ABL1: variants seen among roughly 807,000 people sequenced by gnomAD.
ABL1 encodes the protein ABL proto-oncogene 1, non-receptor tyrosine kinase, also known as tyrosine-protein kinase ABL1.
In ABL1, 11 loss-of-function variants were observed where a neutral mutation model predicts 94.7. The observed-to-expected ratio is 0.12, with a 90% CI of 0.07 to 0.19. ABL1 has a LOEUF of 0.19. ABL1 is among the 10% of genes least tolerant of loss of function. The pLI is 1.00. For missense variants in ABL1, 1,082 were observed against 1,489.4 expected (o/e 0.73, Z 4.50); for synonymous variants, 656 against 622.4 (o/e 1.05, Z -0.80).
chr9:130,753,470 G>A (rs1831995850), intron 1 of ABL1, among the ~76,000 whole-genome samples: 1 of 134,212 alleles, frequency 7.5e-6, no homozygotes, highest in South Asian at 2.4e-4. Context: ...CTGTTGCTCA[G>A]GCTGGAGTGC....
At chr9:130,792,749 A>G (rs76197066) in intron 1 of ABL1, among the ~76,000 whole-genome samples, 1 of 152,270 alleles carries the variant, frequency 6.6e-6, no homozygotes. Flanking sequence ...TGTTGTCCCT[A>G]CTGTAGAGCT....
intron 1 of ABL1, among the ~76,000 whole-genome samples, chr9:130,826,089 T>C (rs539074126): frequency 6.0e-4 from 91 of 152,214 alleles, no homozygotes; most frequent in Non-Finnish European, 1.1e-3. Context: ...ATAACCTATC[T>C]GTGTCACAGT....
exon 1 of ABL1, chr9:130,713,811 A>G (rs1196820122): frequency 1.4e-5 from 3 of 215,722 alleles, no homozygotes; most frequent in Admixed American, 5.8e-5. Flanking sequence ...CCGGAGAGCA[A>G]AGCAGAGAAG....
At chr9:130,877,541 A>G (rs1237632168) in intron 7 of ABL1, among the ~76,000 whole-genome samples, 2 of 147,398 alleles carry the variant, frequency 1.4e-5, no homozygotes, top group Admixed American at 6.7e-5. Context: ...AGATGGTCAC[A>G]TTACCTAAAA....
chr9:130,736,568 C>G (rs1056166843), intron 1 of ABL1, among the ~76,000 whole-genome samples: 28 of 151,340 alleles, frequency 1.9e-4, no homozygotes, highest in African/African-American at 6.1e-4. Context: ...TCGGCCCCAC[C>G]GCAACCTCCG....
In ABL1 at chr9:130,854,834, A is replaced by G. The variant is rs587778016; in HGVS notation, c.287A>G (p.Asn96Ser). 101 of 1,614,052 alleles carry G rather than the reference A, an allele frequency of 6.3e-5. No homozygotes were observed. In the East Asian group the frequency reaches 1.7e-3, roughly 27 times the overall value. The change falls in exon 3 of 11, where the codon AAT (asparagine) becomes AGT (serine). Residue 96 changes from asparagine (N) to serine (S), a missense_variant. This residue lies in a region of ABL1 where 47 missense variants were observed against 142.2 expected (regional missense o/e 0.33). Transcript: ENST00000318560. ...CTCCGGGTCTTAGGCTATAATCACA[A>G]TGGGGAATGGTGTGAAGCCCAAACC... ...EKLRVLGYNHNGEWCEAQTKN... is the reference protein window; with the variant it reads ...EKLRVLGYNHSGEWCEAQTKN...
intron 1 of ABL1, among the ~76,000 whole-genome samples, chr9:130,777,403 T>TAG: frequency 6.6e-6 from 1 of 152,088 alleles, no homozygotes; most frequent in South Asian, 2.1e-4. Flanking sequence ...CACACTGCAT[T>TAG]AGTACCTTCT....
rs1364506152 is a variant in ABL1, at chr9:130,793,333, A to G, written c.137-60731A>G. ...CTTTAAAAGTTTTTTCCATAGATCT[A>G]TTTGCCCATCACCTCTCCAACTCCT... On this transcript the variant is annotated intron_variant, in intron 1 of 10. Coordinates refer to the ABL1 transcript ENST00000372348. Among the ~76,000 whole-genome samples the G allele has an allele frequency of 4.6e-5, 7 of 152,096 alleles. No homozygotes were observed. In the East Asian group the frequency reaches 1.3e-3, roughly 29 times the overall value.
At chr9:130,833,913 A>G (rs1830524292), upstream of ABL1, 1 of 427,206 alleles carries the variant, frequency 2.3e-6, no homozygotes, top group Admixed American at 2.4e-5. Context: ...TCTCTGAAAC[A>G]TATAATGACA....
In ABL1 at chr9:130,887,071, C is replaced by T. The variant is rs896154969; in HGVS notation, c.*1388C>T. 3 of 232,928 alleles carry T rather than the reference C, an allele frequency of 1.3e-5. No individual in the cohort carries two copies. The highest frequency in any genetic ancestry group is 2.5e-5 in the Non-Finnish European group (3 of 117,920). 14.4% of individuals were successfully genotyped at this position (232,928 alleles called of 1,614,324 possible). A position where few individuals can be genotyped will look rare whatever the true frequency, so the allele number is the denominator to read the frequency against. On this transcript the variant is annotated 3_prime_UTR_variant, in exon 11 of 11. Coordinates refer to ENST00000318560, the MANE Select transcript of ABL1 (RefSeq NM_005157.6). ...GGGGGCTGTGACTCTGGGCAGGGAC[C>T]CGGGGTCTCCTGGACCTTGACAGAG... is the stretch of plus-strand genomic sequence containing the variant.
chr9:130,722,117 G>T (rs2132676479), intron 1 of ABL1, among the ~76,000 whole-genome samples: 1 of 152,012 alleles, frequency 6.6e-6, no homozygotes, highest in Admixed American at 6.5e-5. Flanking sequence ...GACAGGCTGG[G>T]CGTGGTGGCT....
rs116438621 is a variant in ABL1 at position 130,719,240 on chromosome 9, A to G, written c.136+4785A>G. On this transcript the variant is annotated intron_variant, in intron 1 of 10. Coordinates refer to the ABL1 transcript ENST00000372348. The stretch of plus-strand genomic sequence containing the variant: ...TAATACGAAAAATTCGAAGATTTAA[A>G]AACTGAGGCCAGGCACGGTGGCTCA... Among the ~76,000 whole-genome samples, 1,272 of 152,272 alleles carry G rather than the reference A, an allele frequency of 8.4e-3. 25 individuals are homozygous for G. The highest frequency in any genetic ancestry group is 0.03 in the African/African-American group (1,239 of 41,564).
At position 130,884,663 on chromosome 9, in the gene ABL1, G is replaced by A. The variant is rs373054503; in HGVS notation, c.2373G>A (p.Glu791=). 3.2e-5 allele frequency: 51 copies of A among 1,613,034 alleles called. No homozygotes were observed. The highest frequency in any genetic ancestry group is 4.1e-5 in the Non-Finnish European group (48 of 1,180,008). The change falls in exon 11 of 11, where the codon GAG becomes GAA. Residue 791 remains glutamate, a synonymous_variant. Coordinates refer to ENST00000318560, the MANE Select transcript of ABL1 (RefSeq NM_005157.6). The surrounding 1 kb of genome is among the most constrained non-coding windows in gnomAD (Gnocchi z 5.6). The part of the protein sequence containing the change: ...TPPPRLVKKN[E]EAADEVFKDI... ...CCCCCAGGCTGGTGAAAAAGAATGA[G>A]GAAGCTGCTGATGAGGTCTTCAAAG...
Position 130,885,937 on chromosome 9 carries a change from G to T in ABL1, c.*254G>T. ...TTTATCTGTGGAGTTCCTGCTCCGT[G>T]GACTGCAGTCGGCATGCCAGGACCC... On this transcript the variant is annotated 3_prime_UTR_variant, in exon 11 of 11. Coordinates refer to ENST00000318560, the MANE Select transcript of ABL1 (RefSeq NM_005157.6). The T allele has an allele frequency of 2.0e-6, 1 of 504,574 alleles. No individual in the cohort carries two copies. The highest frequency in any genetic ancestry group is 3.5e-6 in the Non-Finnish European group (1 of 289,340). The allele number at this position is 504,574 out of a possible 1,614,324, so 31.3% of individuals were successfully genotyped here.
intron 1 of ABL1, among the ~76,000 whole-genome samples, chr9:130,838,900 TTTG>T (rs766122228): frequency 3.9e-5 from 6 of 152,086 alleles, no homozygotes; most frequent in Admixed American, 3.9e-4. Flanking sequence ...TCTTGAACTT[TTTG>T]TTGTTGTTGT....
intron 1 of ABL1, among the ~76,000 whole-genome samples, chr9:130,850,612 T>C (rs937900013): frequency 8.5e-5 from 13 of 152,302 alleles, no homozygotes; most frequent in African/African-American, 2.9e-4. Flanking sequence ...GTTCAAGCGA[T>C]TCTCGTGCCT....
chr9:130,848,207 A>G (rs10901292), intron 1 of ABL1, among the ~76,000 whole-genome samples: 18,506 of 152,090 alleles, frequency 0.12, 1,228 homozygotes, highest in Admixed American at 0.15. Flanking sequence ...ATTATCAATT[A>G]TGTAAGTTTA....
At chr9:130,839,560 G>A (rs897521305) in intron 1 of ABL1, among the ~76,000 whole-genome samples, 1 of 152,166 alleles carries the variant, frequency 6.6e-6, no homozygotes, top group African/African-American at 2.4e-5. Context: ...TCACACCAGT[G>A]CCCTGAGGTT....
intron 1 of ABL1, among the ~76,000 whole-genome samples, chr9:130,725,829 T>TTTTTTTTG (rs1831575592): frequency 1.3e-5 from 1 of 76,976 alleles, no homozygotes; most frequent in Non-Finnish European, 2.2e-5. Context: ...TGGTGGTTTT[T>TTTTTTTTG]TTTTTTTTTT....
Sources: allele counts gnomAD v4.1 joint callset (sites outside exome capture counted in the v4.1 genomes callset), GRCh38; gene constraint gnomAD v4.1.1; regional missense constraint gnomAD v4.1.1; non-coding constraint Gnocchi (gnomAD v3.1); transcripts MANE v1.5; gene names NCBI Gene and HGNC (gene_info 2026-07-23, HGNC 2026-07-21).